Variants in PCDHA3 observed in about 807,000 individuals in gnomAD.
The protein encoded by PCDHA3 is protocadherin alpha-3.
Under a neutral mutation model 62.2 loss-of-function variants are expected in PCDHA3, and 41 were observed. The observed-to-expected ratio is 0.66, with a 90% CI of 0.51 to 0.86. PCDHA3 has a LOEUF of 0.86. PCDHA3 is among the 40% of genes least tolerant of loss of function. The pLI, the probability that PCDHA3 is intolerant of heterozygous loss-of-function variation, is 0.00. For missense variants in PCDHA3, 1,304 were observed against 1,241.2 expected (o/e 1.05, Z -0.76); for synonymous variants, 640 against 555.4 (o/e 1.15, Z -2.14).
At chr5:140,922,865 G>A (rs1554201014) in intron 1 of PCDHA3, among the ~76,000 whole-genome samples, 1 of 152,062 alleles carries the variant, frequency 6.6e-6, no homozygotes, top group Non-Finnish European at 1.5e-5. Flanking sequence ...ATAGACAAGG[G>A]GAAAAAATCC....
At chr5:140,827,966 G>T in intron 1 of PCDHA3, 1 of 1,337,492 alleles carries the variant, frequency 7.5e-7, no homozygotes, top group Non-Finnish European at 1.0e-6. Flanking sequence ...TTCTATTACT[G>T]CATCATTCCC....
intron 1 of PCDHA3, chr5:140,849,014 C>T: frequency 1.3e-6 from 2 of 1,590,086 alleles, no homozygotes; most frequent in East Asian, 2.2e-5. Flanking sequence ...ACAGACTGAG[C>T]CCCAATGAGT....
At chr5:140,960,440 T>C (rs1304890095) in intron 1 of PCDHA3, among the ~76,000 whole-genome samples, 1 of 152,164 alleles carries the variant, frequency 6.6e-6, no homozygotes, top group Admixed American at 6.5e-5. Flanking sequence ...ACTCTAGATA[T>C]ATGTATGGAT....
At chr5:140,822,326 A>C in intron 1 of PCDHA3, 2 of 1,614,186 alleles carry the variant, frequency 1.2e-6, no homozygotes, top group East Asian at 2.2e-5. Context: ...GTTAAAACAA[A>C]TGAAGAAGAA....
At chr5:140,970,893 T>C (rs568576965) in intron 1 of PCDHA3, among the ~76,000 whole-genome samples, 3 of 152,200 alleles carry the variant, frequency 2.0e-5, no homozygotes, top group Non-Finnish European at 4.4e-5. Context: ...CATGGACATT[T>C]CAGATAGATT....
rs116952410 is a variant in PCDHA3, at chr5:140,893,392, C to A, written c.2395-85557C>A. On this transcript the variant is annotated intron_variant, in intron 1 of 3. Coordinates refer to ENST00000522353, the MANE Select transcript of PCDHA3 (RefSeq NM_018906.3). ...AGCATTTATGGGACAGTGGCTCATG[C>A]CTGTAATCCCAGCACTTAGGGAGGC... 2.0e-5 allele frequency among the ~76,000 whole-genome samples: 3 copies of A among 152,230 alleles called. No individual in the cohort carries two copies. The East Asian group carries it at 5.8e-4, about 29-fold the overall frequency.
At chr5:140,816,127 G>C (rs1554126985) in intron 1 of PCDHA3, 1 of 152,080 alleles carries the variant, frequency 6.6e-6, no homozygotes, top group Non-Finnish European at 1.5e-5. Flanking sequence ...TTTTGAAACT[G>C]TCATAATGAG....
chr5:140,903,273 T>G (rs1213268192), intron 1 of PCDHA3, among the ~76,000 whole-genome samples: 2 of 152,228 alleles, frequency 1.3e-5, no homozygotes, highest in Non-Finnish European at 2.9e-5. Flanking sequence ...AGTGAGGTAG[T>G]GTCTCATTGT....
At chr5:140,925,513 A>G (rs2082534793) in intron 1 of PCDHA3, among the ~76,000 whole-genome samples, 1 of 152,104 alleles carries the variant, frequency 6.6e-6, no homozygotes, top group South Asian at 2.1e-4. Flanking sequence ...CACGCAAAAG[A>G]CCAAATTAAA....
In PCDHA3 at chr5:140,842,738, C is replaced by T. The variant is rs1470514973; in HGVS notation, c.2394+39147C>T. The T allele has an allele frequency of 6.3e-7, 1 of 1,594,924 alleles. No homozygotes were observed. The highest frequency in any genetic ancestry group is 8.6e-7 in the Non-Finnish European group (1 of 1,165,426). ...GAAGGAGAACAACCCGCCGGGCTGCCACATCTTCACGGTGTCTGCGCGAGA... is the reference window on the plus strand; with the variant it reads ...GAAGGAGAACAACCCGCCGGGCTGCTACATCTTCACGGTGTCTGCGCGAGA... On this transcript the variant is annotated intron_variant, in intron 1 of 3. Coordinates refer to ENST00000522353, the MANE Select transcript of PCDHA3 (RefSeq NM_018906.3).
chr5:141,007,181 G>A (rs372000063), intron 3 of PCDHA3, among the ~76,000 whole-genome samples: 1 of 152,134 alleles, frequency 6.6e-6, no homozygotes, highest in East Asian at 1.9e-4. Context: ...AAGGTCAGGA[G>A]AATGTTTTGA....
chr5:140,969,068 A>C (rs2096293164), intron 1 of PCDHA3: 2 of 1,614,046 alleles, frequency 1.2e-6, no homozygotes, highest in South Asian at 2.2e-5. Flanking sequence ...TGATGCCAGG[A>C]TACCGCATGG....
chr5:140,983,768 T>G (rs1236827804), intron 3 of PCDHA3, among the ~76,000 whole-genome samples: 2 of 152,196 alleles, frequency 1.3e-5, no homozygotes, highest in African/African-American at 4.8e-5. Context: ...CAAATACATA[T>G]CTACATACAT....
chr5:140,882,735 G>C, intron 1 of PCDHA3: 1 of 1,614,216 alleles, frequency 6.2e-7, no homozygotes, highest in Non-Finnish European at 8.5e-7. Flanking sequence ...CCACTAGATG[G>C]CGCATCCGAT....
chr5:140,849,613 G>C (rs2040993200), intron 1 of PCDHA3: 2 of 1,598,764 alleles, frequency 1.3e-6, no homozygotes, highest in Non-Finnish European at 1.7e-6. Context: ...GCCCTGATTA[G>C]TGTGATCGAC....
chr5:140,875,752 A>G lies in PCDHA3; in HGVS notation c.2394+72161A>G, dbSNP rs782489258. On this transcript the variant is annotated intron_variant, in intron 1 of 3. Transcript: ENST00000522353. ...TGTGAATTCTCGGATCGACCGCGAGAAGCTGTGCGGGCGGAGCGCGGAGTG... is the reference window on the plus strand; with the variant it reads ...TGTGAATTCTCGGATCGACCGCGAGGAGCTGTGCGGGCGGAGCGCGGAGTG... 53 of 1,614,084 alleles carry G rather than the reference A, an allele frequency of 3.3e-5. No homozygotes were observed. The highest frequency in any genetic ancestry group is 3.2e-4 in the African/African-American group (24 of 74,918).
intron 1 of PCDHA3, chr5:140,808,597 G>C: frequency 1.2e-6 from 2 of 1,613,948 alleles, no homozygotes; most frequent in Non-Finnish European, 1.7e-6. Flanking sequence ...ACAACCCGCC[G>C]GGCTGCCACA....
intron 1 of PCDHA3, among the ~76,000 whole-genome samples, chr5:140,838,112 GT>G (rs1775545429): frequency 6.7e-6 from 1 of 149,312 alleles, no homozygotes; most frequent in Non-Finnish European, 1.5e-5. Context: ...GTGTGTGTGT[GT>G]GTGTGTGTGT....
intron 1 of PCDHA3, among the ~76,000 whole-genome samples, chr5:140,913,117 G>T (rs1055437222): frequency 1.3e-5 from 2 of 152,144 alleles, no homozygotes; most frequent in Non-Finnish European, 2.9e-5. Flanking sequence ...CAGTTTGGAA[G>T]TTAACCCCTC....
Sources: gnomAD v4.1 joint callset for allele counts (sites outside exome capture counted in the v4.1 genomes callset) on GRCh38, gnomAD v4.1.1 for gene constraint, MANE v1.5 for transcripts, NCBI Gene and HGNC (gene_info 2026-07-23, HGNC 2026-07-21) for gene names.